The following RBFOX1 variants were observed in gnomAD, a reference collection of about 807,000 sequenced individuals.
The protein encoded by RBFOX1 is RNA binding fox-1 homolog 1.
In RBFOX1, 8 loss-of-function variants were observed where a neutral mutation model predicts 57.7. That is an observed-to-expected ratio of 0.14 (90% confidence interval 0.08 to 0.25). The LOEUF (loss-of-function observed/expected upper bound fraction) is 0.25, where lower values mean the gene tolerates loss of function less well. Among genes scored for constraint, RBFOX1 ranks in the 10% least tolerant of loss-of-function variants. The pLI, the probability that RBFOX1 is intolerant of heterozygous loss-of-function variation, is 1.00. For synonymous variants in RBFOX1, 326 were observed against 222.4 expected (o/e 1.47, Z -4.15); for missense variants, 611 against 548.5 (o/e 1.11, Z -1.14).
At chr16:6,450,350 C>A (rs2094564602) in intron 2 of RBFOX1, among the ~76,000 whole-genome samples, 1 of 152,088 alleles carries the variant, frequency 6.6e-6, no homozygotes, top group Non-Finnish European at 1.5e-5. Context: ...TTGTCACTAT[C>A]CTGCTTGTTA....
chr16:6,016,712 C>A (rs569241815), upstream of RBFOX1, among the ~76,000 whole-genome samples: 1 of 152,314 alleles, frequency 6.6e-6, no homozygotes, highest in East Asian at 1.9e-4. Context: ...CAGGTTCTTT[C>A]TAACCATAGC....
chr16:6,508,661 C>T (rs191801762), intron 2 of RBFOX1, among the ~76,000 whole-genome samples: 9 of 151,992 alleles, frequency 5.9e-5, no homozygotes, highest in South Asian at 2.1e-4. Flanking sequence ...TCCTGCTTAC[C>T]GTAAAACATG....
At chr16:7,382,000 G>A (rs867482281) in intron 4 of RBFOX1, among the ~76,000 whole-genome samples, 1 of 152,150 alleles carries the variant, frequency 6.6e-6, no homozygotes. Flanking sequence ...CTGCTTTTAC[G>A]CGATTGGATT....
intron 4 of RBFOX1, among the ~76,000 whole-genome samples, chr16:7,228,124 C>A (rs1413201677): frequency 6.6e-6 from 1 of 152,040 alleles, no homozygotes; most frequent in African/African-American, 2.4e-5. Context: ...AGGAAGGTGG[C>A]AAAGATGAGA....
intron 4 of RBFOX1, among the ~76,000 whole-genome samples, chr16:7,264,888 T>A (rs902394293): frequency 6.6e-6 from 1 of 152,228 alleles, no homozygotes; most frequent in African/African-American, 2.4e-5. Context: ...TTGAGACATT[T>A]ACCCCCAGTC....
intron 2 of RBFOX1, among the ~76,000 whole-genome samples, chr16:5,508,957 A>G (rs1187516251): frequency 1.3e-5 from 2 of 152,140 alleles, no homozygotes; most frequent in Non-Finnish European, 2.9e-5. Flanking sequence ...TTGCCCACTC[A>G]TCTCAAGCAG....
chr16:6,223,783 A>G (rs1043092377), intron 1 of RBFOX1, among the ~76,000 whole-genome samples: 40 of 152,186 alleles, frequency 2.6e-4, no homozygotes, highest in African/African-American at 6.8e-4. Context: ...GCCCATGTCT[A>G]TGTCTTGAAT....
chr16:7,100,366 T>G (rs1223642958), intron 4 of RBFOX1, among the ~76,000 whole-genome samples: 1 of 152,002 alleles, frequency 6.6e-6, no homozygotes, highest in Non-Finnish European at 1.5e-5. Flanking sequence ...AGAATCTGAC[T>G]CCCCCCAGCC....
At chr16:7,373,116 G>C (rs1289026680) in intron 4 of RBFOX1, among the ~76,000 whole-genome samples, 3 of 151,916 alleles carry the variant, frequency 2.0e-5, no homozygotes, top group Non-Finnish European at 2.9e-5. Flanking sequence ...GTATTTTTTA[G>C]TGAGACGGTG....
chr16:6,434,967 T>C (rs1317679801), intron 2 of RBFOX1, among the ~76,000 whole-genome samples: 1 of 152,212 alleles, frequency 6.6e-6, no homozygotes, highest in Non-Finnish European at 1.5e-5. Flanking sequence ...TATGTACATA[T>C]ACGTGCACAG....
chr16:7,029,225 CAT>C (rs1421374012), intron 3 of RBFOX1, among the ~76,000 whole-genome samples: 5 of 45,400 alleles, frequency 1.1e-4, no homozygotes, highest in Admixed American at 2.3e-4. Flanking sequence ...TATATACACA[CAT>C]ATATATACGT....
chr16:6,812,873 G>C (rs746214305), intron 3 of RBFOX1, among the ~76,000 whole-genome samples: 1 of 152,194 alleles, frequency 6.6e-6, no homozygotes, highest in African/African-American at 2.4e-5. Flanking sequence ...GGAAGCCCCT[G>C]AGTCCTTTGT....
At chr16:7,456,608 G>C (rs529852120) in intron 4 of RBFOX1, among the ~76,000 whole-genome samples, 1 of 152,182 alleles carries the variant, frequency 6.6e-6, no homozygotes, top group Non-Finnish European at 1.5e-5. Context: ...AGGCAAGGGG[G>C]TATTGTGGTT....
chr16:7,198,275 G>A (rs1350136174), intron 4 of RBFOX1, among the ~76,000 whole-genome samples: 1 of 152,112 alleles, frequency 6.6e-6, no homozygotes, highest in East Asian at 1.9e-4. Flanking sequence ...AAAGTCCTGG[G>A]ATTACAGGCG....
intron 3 of RBFOX1, among the ~76,000 whole-genome samples, chr16:6,816,786 C>G (rs1471461065): frequency 1.7e-4 from 26 of 151,838 alleles, no homozygotes; most frequent in Non-Finnish European, 1.5e-5. Context: ...GTTCTGTTAC[C>G]CAGGTTGGAC....
In RBFOX1 at chr16:6,049,210, C is replaced by T. The variant is rs143129539; in HGVS notation, c.-127+29218C>T. ...TCCCAAGTAGCTGGGATTACAGGTG[C>T]CCACCACCATGCCTGGCTAATTTTT... On this transcript the variant is annotated intron_variant, in intron 1 of 15. Coordinates refer to ENST00000550418, the MANE Select transcript of RBFOX1 (RefSeq NM_018723.4). Among the ~76,000 whole-genome samples the T allele has an allele frequency of 3.9e-3, 594 of 151,874 alleles. 6 individuals carry two copies. Among genetic ancestry groups the T allele is most frequent in the Middle Eastern group, 0.01 (3 of 294 alleles).
At chr16:7,054,479 G>C (rs968590915) in intron 4 of RBFOX1, among the ~76,000 whole-genome samples, 2 of 142,236 alleles carry the variant, frequency 1.4e-5, no homozygotes, top group Non-Finnish European at 3.0e-5. Context: ...CTGACCTCGT[G>C]ATCCGCCAGC....
chr16:5,304,177 A>G (rs1345789147), intron 1 of RBFOX1, among the ~76,000 whole-genome samples: 1 of 152,190 alleles, frequency 6.6e-6, no homozygotes, highest in Non-Finnish European at 1.5e-5. Context: ...ATCATCTCAG[A>G]GTGAGTTTTA....
In RBFOX1 at chr16:6,848,638, A is replaced by G. The variant is rs183083872; in HGVS notation, c.-16+193988A>G. Reference sequence around the variant, plus strand: ...GTATGTGTGTAGAGAGAGATGATGGAAGGAAGGAAAGGAGGGAGGGAAAAA... The same window carrying G: ...GTATGTGTGTAGAGAGAGATGATGGGAGGAAGGAAAGGAGGGAGGGAAAAA... On this transcript the variant is annotated intron_variant, in intron 3 of 15. Transcript: ENST00000550418. Among the ~76,000 whole-genome samples the G allele has an allele frequency of 2.3e-3, 343 of 152,172 alleles. 1 individual carries two copies. Among genetic ancestry groups the G allele is most frequent in the African/African-American group, 7.6e-3 (315 of 41,520 alleles).
Sources: gnomAD v4.1 joint callset for allele counts (sites outside exome capture counted in the v4.1 genomes callset) on GRCh38, gnomAD v4.1.1 for gene constraint, MANE v1.5 for transcripts, NCBI Gene and HGNC (gene_info 2026-07-23, HGNC 2026-07-21) for gene names.